PSMD1: variants seen among roughly 807,000 people sequenced by gnomAD.
The protein encoded by PSMD1 is proteasome 26S subunit, non-ATPase 1, also known as 26S proteasome non-ATPase regulatory subunit 1.
Under a neutral mutation model 119.0 loss-of-function variants are expected in PSMD1, and 18 were observed. The observed-to-expected ratio is 0.15, with a 90% CI of 0.10 to 0.22. The LOEUF (loss-of-function observed/expected upper bound fraction) is 0.22, where lower values mean the gene tolerates loss of function less well. PSMD1 is among the 10% of genes least tolerant of loss of function. The probability of loss-of-function intolerance (pLI) is 1.00; values close to 1 mark genes in which losing one functional copy is unlikely to be tolerated. For synonymous variants in PSMD1, 374 were observed against 396.6 expected (o/e 0.94, Z 0.68); for missense variants, 702 against 1,158.5 (o/e 0.61, Z 5.72).
At chr2:231,168,834 G>A (rs1470940603) in intron 23 of PSMD1, among the ~76,000 whole-genome samples, 2 of 152,212 alleles carry the variant, frequency 1.3e-5, no homozygotes, top group African/African-American at 4.8e-5. Context: ...CTCTGTGTAT[G>A]TGCAGTGACT....
At chr2:231,101,685 C>T (rs747716627) in intron 16 of PSMD1, among the ~76,000 whole-genome samples, 1 of 152,144 alleles carries the variant, frequency 6.6e-6, no homozygotes, top group Non-Finnish European at 1.5e-5. Context: ...GCCACACCCA[C>T]CCCAGCTTTC....
intron 16 of PSMD1, among the ~76,000 whole-genome samples, chr2:231,090,605 A>G (rs1163135244): frequency 6.6e-6 from 1 of 152,216 alleles, no homozygotes; most frequent in Non-Finnish European, 1.5e-5. Context: ...ATAAAACGTG[A>G]TTCCTCTGAT....
intron 16 of PSMD1, among the ~76,000 whole-genome samples, chr2:231,111,085 C>A (rs1193823433): frequency 6.6e-6 from 1 of 152,186 alleles, no homozygotes; most frequent in Non-Finnish European, 1.5e-5. Flanking sequence ...TCAATGGCTT[C>A]AGTACCTGCT....
intron 19 of PSMD1, among the ~76,000 whole-genome samples, chr2:231,161,077 C>T (rs939437867): frequency 6.6e-5 from 10 of 151,804 alleles, no homozygotes; most frequent in East Asian, 1.9e-4. Context: ...CCAGGTGTGG[C>T]GGCCCGCACA....
At chr2:231,113,320 CTT>C (rs956594458) in intron 16 of PSMD1, among the ~76,000 whole-genome samples, 6 of 152,000 alleles carry the variant, frequency 3.9e-5, no homozygotes, top group African/African-American at 1.4e-4. Context: ...TGTTTTTTCT[CTT>C]ATTAATCTTT....
chr2:231,094,702 G>A (rs553560760), intron 16 of PSMD1, among the ~76,000 whole-genome samples: 35 of 152,320 alleles, frequency 2.3e-4, no homozygotes, highest in South Asian at 2.1e-3. Flanking sequence ...GCATTAAAGC[G>A]TTGGGTATGG....
chr2:231,139,108 T>C, intron 17 of PSMD1: 1 of 493,236 alleles, frequency 2.0e-6, no homozygotes, highest in South Asian at 2.0e-5. Flanking sequence ...CATTGATTTC[T>C]GGGTTTTTTG....
Position 231,138,808 on chromosome 2 carries a change from T to G in PSMD1, c.1956T>G (p.Ala652=), listed in dbSNP as rs1377022278. Reference sequence around the variant, plus strand: ...ACAACCCTCATGTGCGCTACGGAGCTGCAATGGCCTTGGGGATATGCTGTG... The same window carrying G: ...ACAACCCTCATGTGCGCTACGGAGCGGCAATGGCCTTGGGGATATGCTGTG... ...ESYNPHVRYG[A]AMALGICCAG... The change falls in exon 17 of 25, where the codon GCT becomes GCG. Residue 652 remains alanine (A), a synonymous_variant. Transcript: ENST00000308696. The G allele has an allele frequency of 1.2e-6, 2 of 1,614,016 alleles. No homozygotes were observed. Among genetic ancestry groups the G allele is most frequent in the African/African-American group, 2.7e-5 (2 of 74,910 alleles).
intron 16 of PSMD1, among the ~76,000 whole-genome samples, chr2:231,088,065 T>A (rs1017016154): frequency 6.6e-6 from 1 of 152,174 alleles, no homozygotes; most frequent in Non-Finnish European, 1.5e-5. Flanking sequence ...CTCAACCTCT[T>A]TGCGCCTCAG....
intron 1 of PSMD1, among the ~76,000 whole-genome samples, chr2:231,057,497 C>T (rs538377056): frequency 1.3e-5 from 2 of 152,298 alleles, no homozygotes; most frequent in East Asian, 3.9e-4. Context: ...TGGACGTGGC[C>T]GAGCTCCATT....
At chr2:231,106,772 G>T (rs759706310) in intron 16 of PSMD1, among the ~76,000 whole-genome samples, 2 of 152,048 alleles carry the variant, frequency 1.3e-5, no homozygotes. Flanking sequence ...TAGTTCTTTT[G>T]ATCTAGATTG....
At chr2:231,070,610 A>C in intron 6 of PSMD1, among the ~76,000 whole-genome samples, 1 of 152,222 alleles carries the variant, frequency 6.6e-6, no homozygotes, top group Non-Finnish European at 1.5e-5. Context: ...CTATATATAA[A>C]TTTGCTTGCA....
chr2:231,080,633 G>A (rs1358628648), intron 12 of PSMD1, among the ~76,000 whole-genome samples: 1 of 152,166 alleles, frequency 6.6e-6, no homozygotes, highest in Non-Finnish European at 1.5e-5. Flanking sequence ...AAGGCCTAAA[G>A]AAGTTGCAGT....
At chr2:231,075,380 T>G in intron 7 of PSMD1, 131 bp from the exon 8 acceptor site, 2 of 718,574 alleles carry the variant, frequency 2.8e-6, no homozygotes, top group Non-Finnish European at 4.4e-6. Context: ...TAGAATTTTT[T>G]ATTTCTTAAT....
chr2:231,146,739 G>A (rs1275150135), intron 18 of PSMD1, among the ~76,000 whole-genome samples: 2 of 152,092 alleles, frequency 1.3e-5, no homozygotes, highest in African/African-American at 2.4e-5. Context: ...TTTTTGATCT[G>A]TCCTTCTAAA....
At chr2:231,129,521 A>T (rs1695805641) in intron 16 of PSMD1, among the ~76,000 whole-genome samples, 1 of 152,212 alleles carries the variant, frequency 6.6e-6, no homozygotes, top group Non-Finnish European at 1.5e-5. Context: ...GCTTGCCTAA[A>T]AGTATACTAA....
intron 16 of PSMD1, among the ~76,000 whole-genome samples, chr2:231,105,086 G>C (rs990737347): frequency 6.6e-6 from 1 of 152,078 alleles, no homozygotes; most frequent in African/African-American, 2.4e-5. Context: ...AGATAAAATT[G>C]TCTTTGTGTA....
intron 2 of PSMD1, among the ~76,000 whole-genome samples, chr2:231,061,790 C>G (rs1020718799): frequency 6.6e-6 from 1 of 152,094 alleles, no homozygotes; most frequent in Admixed American, 6.5e-5. Flanking sequence ...TCTCAAACTC[C>G]TGCTCCTGGG....
intron 16 of PSMD1, chr2:231,114,076 A>T: frequency 1.5e-6 from 1 of 680,268 alleles, no homozygotes; most frequent in Non-Finnish European, 2.6e-6. Context: ...ACTTCAGATA[A>T]TGGAGACAAC....
Sources: gnomAD v4.1 joint callset for allele counts (sites outside exome capture counted in the v4.1 genomes callset) on GRCh38, gnomAD v4.1.1 for gene constraint, MANE v1.5 for transcripts, NCBI Gene and HGNC (gene_info 2026-07-23, HGNC 2026-07-21) for gene names.